Variants in NXPE2 observed in about 807,000 individuals in gnomAD.
NXPE2 encodes NXPE family member 2.
A neutral mutation model predicts 34.4 loss-of-function variants in NXPE2; 34 were observed. That is an observed-to-expected ratio of 0.99 (90% CI 0.75 to 1.31). The LOEUF is 1.31. Ranked by LOEUF, NXPE2 falls within the 40% of genes most tolerant of loss-of-function variation. The pLI, the probability that NXPE2 is intolerant of heterozygous loss-of-function variation, is 0.00. For synonymous variants in NXPE2, 235 were observed against 231.3 expected (o/e 1.02, Z -0.15); for missense variants, 649 against 672.5 (o/e 0.97, Z 0.39).
the NXPE2 span, among the ~76,000 whole-genome samples, chr11:114,519,540 A>G: frequency 3.3e-5 from 5 of 152,320 alleles, no homozygotes; most frequent in South Asian, 2.1e-4. Flanking sequence ...ATGACAAAAC[A>G]CTGTGGAAAC....
the NXPE2 span, chr11:114,521,782 C>T: frequency 1.8e-6 from 1 of 545,396 alleles, no homozygotes; most frequent in Non-Finnish European, 3.2e-6. Flanking sequence ...AGTCATTCTT[C>T]ATGAATGATT....
the NXPE2 span, among the ~76,000 whole-genome samples, chr11:114,654,779 A>G: frequency 6.6e-6 from 1 of 152,188 alleles, no homozygotes; most frequent in Admixed American, 6.5e-5. Flanking sequence ...TGCAATAAAT[A>G]TATGTGTGCA....
At chr11:114,549,036 A>G in the NXPE2 span, among the ~76,000 whole-genome samples, 1 of 152,104 alleles carries the variant, frequency 6.6e-6, no homozygotes, top group Admixed American at 6.5e-5. Flanking sequence ...GCAAATACAT[A>G]TGAGAATCTA....
the NXPE2 span, among the ~76,000 whole-genome samples, chr11:114,562,645 C>G: frequency 4.6e-5 from 7 of 152,152 alleles, no homozygotes; most frequent in Non-Finnish European, 1.0e-4. Context: ...TATTACTATC[C>G]AGAGTCAAGT....
chr11:114,485,353 TGCCTACCATCAC>T, the NXPE2 span, among the ~76,000 whole-genome samples: 8 of 148,744 alleles, frequency 5.4e-5, no homozygotes, highest in African/African-American at 1.7e-4. Flanking sequence ...GGATTGCAGG[TGCCTACCATCAC>T]GCCTGGCTAA....
At chr11:114,775,381 G>A in the NXPE2 span, among the ~76,000 whole-genome samples, 1 of 152,198 alleles carries the variant, frequency 6.6e-6, no homozygotes, top group Non-Finnish European at 1.5e-5. Flanking sequence ...GAAAGCAGTT[G>A]TTAGGGGGGG....
the NXPE2 span, among the ~76,000 whole-genome samples, chr11:114,798,982 G>A: frequency 6.0e-4 from 92 of 152,282 alleles, no homozygotes; most frequent in Non-Finnish European, 1.2e-3. Flanking sequence ...ACTCCTTGCC[G>A]CTCTCACTAG....
At chr11:114,610,208 AC>A in the NXPE2 span, among the ~76,000 whole-genome samples, 1 of 151,818 alleles carries the variant, frequency 6.6e-6, no homozygotes, top group Non-Finnish European at 1.5e-5. Context: ...AGCCACTGTT[AC>A]CCAGTCAATA....
chr11:114,753,257 C>T, the NXPE2 span, among the ~76,000 whole-genome samples: 4 of 151,952 alleles, frequency 2.6e-5, no homozygotes, highest in African/African-American at 9.7e-5. Flanking sequence ...GCTGGGTGTG[C>T]TGGCATGCAC....
chr11:114,509,929 G>C, the NXPE2 span, among the ~76,000 whole-genome samples: 1 of 151,958 alleles, frequency 6.6e-6, no homozygotes, highest in Admixed American at 6.6e-5. Context: ...TAAAATGAAA[G>C]TTAAAAAAGA....
chr11:114,590,841 T>G, the NXPE2 span, among the ~76,000 whole-genome samples: 2 of 152,172 alleles, frequency 1.3e-5, no homozygotes, highest in Non-Finnish European at 2.9e-5. Context: ...CCCCACACAA[T>G]GTAGCAGGAT....
At chr11:114,620,691 GT>G in the NXPE2 span, among the ~76,000 whole-genome samples, 12,310 of 152,052 alleles carry the variant, frequency 0.081, 633 homozygotes, top group Middle Eastern at 0.2. Context: ...GGTAACCACT[GT>G]TACCTGGTGG....
chr11:114,596,466 C>G, the NXPE2 span, among the ~76,000 whole-genome samples: 1 of 152,114 alleles, frequency 6.6e-6, no homozygotes, highest in East Asian at 1.9e-4. Context: ...TTAAGCATGC[C>G]CATCAATCTT....
At chr11:114,758,955 T>A in the NXPE2 span, among the ~76,000 whole-genome samples, 1 of 151,886 alleles carries the variant, frequency 6.6e-6, no homozygotes, top group African/African-American at 2.4e-5. Flanking sequence ...GAAGGCTCTT[T>A]CTACCCCCAA....
Position 114,698,282 on chromosome 11 carries a change from T to C in NXPE2, c.370T>C (p.Cys124Arg), listed in dbSNP as rs1020384852. The C allele has an allele frequency of 3.1e-6, 5 of 1,613,444 alleles. No homozygotes were observed. The African/African-American group carries it at 5.3e-5, about 17-fold the overall frequency. The change falls in exon 3 of 6, where the codon TGC becomes CGC. Residue 124 changes from cysteine (C) to arginine (R), a missense_variant. Cys to Arg is a radical substitution (Grantham distance 180). Transcript: ENST00000389586. ...ATILNPQDTY[C>R]RGDQLDILLE... ...CATCCTCAACCCTCAAGATACGTAC[T>C]GCAGGGGGGATCAGCTGGACATCCT...
At chr11:114,533,906 A>G in the NXPE2 span, among the ~76,000 whole-genome samples, 306 of 152,342 alleles carry the variant, frequency 2.0e-3, 6 homozygotes, top group East Asian at 0.049. Flanking sequence ...GCAGACTTAA[A>G]TGTCCCTGTC....
chr11:114,812,528 A>G, the NXPE2 span, among the ~76,000 whole-genome samples: 1 of 152,204 alleles, frequency 6.6e-6, no homozygotes, highest in South Asian at 2.1e-4. Flanking sequence ...GTTGACTTCT[A>G]AGGTGCTGTG....
Position 114,698,267 on chromosome 11 carries a change from C to A in NXPE2, c.355C>A (p.Pro119Thr). 1 of 1,613,340 alleles carries A rather than the reference C, an allele frequency of 6.2e-7. No individual in the cohort carries two copies. ...ACACAGCACAGCCACCATCCTCAAC[C>A]CTCAAGATACGTACTGCAGGGGGGA... ...ATHSTATILN[P>T]QDTYCRGDQL... is the part of the protein sequence containing the mutation. The change falls in exon 3 of 6, where the codon CCT (proline) becomes ACT (threonine). Residue 119 changes from proline (P) to threonine (T), a missense_variant. Coordinates refer to ENST00000389586, the MANE Select transcript of NXPE2 (RefSeq NM_182495.6).
the NXPE2 span, among the ~76,000 whole-genome samples, chr11:114,805,509 C>T: frequency 6.6e-6 from 1 of 152,222 alleles, no homozygotes; most frequent in African/African-American, 2.4e-5. Flanking sequence ...GCTTTTCCAA[C>T]CAGCTTTAAA....
Sources: gnomAD v4.1 joint callset for allele counts (sites outside exome capture counted in the v4.1 genomes callset) on GRCh38, gnomAD v4.1.1 for gene constraint, MANE v1.5 for transcripts, NCBI Gene and HGNC (gene_info 2026-07-23, HGNC 2026-07-21) for gene names.